The following NAALADL2 variants were observed in gnomAD, a reference collection of about 807,000 sequenced individuals.
The protein encoded by NAALADL2 is N-acetylated alpha-linked acidic dipeptidase like 2, also known as inactive N-acetylated-alpha-linked acidic dipeptidase-like protein 2.
NAALADL2 carries 76 observed loss-of-function variants against 87.2 expected under a neutral mutation model. That is an observed-to-expected ratio of 0.87 (90% CI 0.72 to 1.05). The LOEUF is 1.05. Among genes scored for constraint, NAALADL2 ranks in the 50% least tolerant of loss-of-function variants. The pLI is 0.00. For synonymous variants in NAALADL2, 354 were observed against 331.0 expected (o/e 1.07, Z -0.75); for missense variants, 1,089 against 945.8 (o/e 1.15, Z -1.99).
chr3:175,426,931 GA>G (rs1716878365), intron 5 of NAALADL2, among the ~76,000 whole-genome samples: 1 of 152,132 alleles, frequency 6.6e-6, no homozygotes, highest in Non-Finnish European at 1.5e-5. Flanking sequence ...ACCGGAAACA[GA>G]ATGTGCTGAC....
At chr3:175,710,442 C>A (rs1247436381) in intron 11 of NAALADL2, among the ~76,000 whole-genome samples, 2 of 151,834 alleles carry the variant, frequency 1.3e-5, no homozygotes, top group African/African-American at 2.4e-5. Flanking sequence ...CAATTAATAG[C>A]GGTATTTAAT....
At chr3:175,128,176 G>A (rs1223693692) in intron 2 of NAALADL2, among the ~76,000 whole-genome samples, 1 of 152,056 alleles carries the variant, frequency 6.6e-6, no homozygotes, top group Non-Finnish European at 1.5e-5. Flanking sequence ...AAATACAGGA[G>A]CATCTTGGAT....
At chr3:175,293,226 G>C (rs1159370444) in intron 4 of NAALADL2, among the ~76,000 whole-genome samples, 1 of 151,928 alleles carries the variant, frequency 6.6e-6, no homozygotes, top group Non-Finnish European at 1.5e-5. Flanking sequence ...AGAGCTACAG[G>C]GTAGTTACCA....
rs559611878 is a variant in NAALADL2, at chr3:174,925,264, G to A, written c.43+65814G>A. ...ATTTTTGTATAAGGTGTAAGGAAGG[G>A]ATCCAGTTTCAGCTTTCTACATATG... On this transcript the variant is annotated intron_variant, in intron 1 of 13. Transcript: ENST00000454872. Among the ~76,000 whole-genome samples, 4 of 152,268 alleles carry A rather than the reference G, an allele frequency of 2.6e-5. No individual in the cohort carries two copies. In the East Asian group the frequency reaches 7.7e-4, roughly 29 times the overall value.
At chr3:175,424,306 T>C (rs187856524) in intron 5 of NAALADL2, among the ~76,000 whole-genome samples, 1 of 152,340 alleles carries the variant, frequency 6.6e-6, no homozygotes, top group East Asian at 1.9e-4. Context: ...TCATTGTTTT[T>C]GGTGTTTTAG....
intron 5 of NAALADL2, among the ~76,000 whole-genome samples, chr3:175,339,571 A>G (rs1454386329): frequency 2.6e-5 from 4 of 152,208 alleles, no homozygotes; most frequent in African/African-American, 9.6e-5. Flanking sequence ...TAATGAGGAC[A>G]TACTAGTCCT....
chr3:174,546,863 G>A (rs1049429741), intron 1 of NAALADL2, among the ~76,000 whole-genome samples: 2 of 152,034 alleles, frequency 1.3e-5, no homozygotes, highest in Non-Finnish European at 1.5e-5. Context: ...TCACTATGTT[G>A]TCTAGGTTGG....
chr3:174,804,281 G>T (rs963375263), intron 3 of NAALADL2, among the ~76,000 whole-genome samples: 3 of 152,090 alleles, frequency 2.0e-5, no homozygotes, highest in East Asian at 1.9e-4. Flanking sequence ...GTCTATTGTT[G>T]TATAGGAATG....
intron 9 of NAALADL2, among the ~76,000 whole-genome samples, chr3:175,529,491 G>A (rs1046730097): frequency 1.3e-5 from 2 of 152,118 alleles, no homozygotes; most frequent in Non-Finnish European, 2.9e-5. Context: ...TGTGAATCCT[G>A]GCTGTGGGAG....
chr3:174,711,985 G>C (rs899472940), intron 2 of NAALADL2, among the ~76,000 whole-genome samples: 1 of 151,950 alleles, frequency 6.6e-6, no homozygotes. Context: ...TTTTAGTAGA[G>C]ACGGGGTTTC....
At chr3:174,443,608 C>T (rs73881158) in intron 1 of NAALADL2, among the ~76,000 whole-genome samples, 2,182 of 152,132 alleles carry the variant, frequency 0.014, 48 homozygotes, top group African/African-American at 0.05. Context: ...CATCATATAG[C>T]GGGTTGTAAA....
chr3:175,787,641 C>T (rs1267232885), intron 13 of NAALADL2, among the ~76,000 whole-genome samples: 1 of 152,158 alleles, frequency 6.6e-6, no homozygotes, highest in African/African-American at 2.4e-5. Flanking sequence ...AACCCGGTAC[C>T]TCAGATGGAA....
At chr3:174,828,612 T>C (rs1722265735) in intron 3 of NAALADL2, among the ~76,000 whole-genome samples, 1 of 152,216 alleles carries the variant, frequency 6.6e-6, no homozygotes, top group South Asian at 2.1e-4. Flanking sequence ...AAGTTCACTT[T>C]TCATTTCTTA....
At chr3:175,002,466 C>G (rs977798908) in intron 1 of NAALADL2, among the ~76,000 whole-genome samples, 2 of 152,014 alleles carry the variant, frequency 1.3e-5, no homozygotes, top group African/African-American at 4.8e-5. Flanking sequence ...ATGAAGATCT[C>G]GATCGTGTAT....
chr3:175,145,445 A>G (rs1730607117), intron 2 of NAALADL2, among the ~76,000 whole-genome samples: 2 of 152,124 alleles, frequency 1.3e-5, no homozygotes, highest in Non-Finnish European at 2.9e-5. Flanking sequence ...TTCAGAATTA[A>G]CAGAATTGGT....
chr3:175,770,716 C>G (rs1288849241), intron 13 of NAALADL2, among the ~76,000 whole-genome samples: 2 of 152,156 alleles, frequency 1.3e-5, no homozygotes, highest in African/African-American at 4.8e-5. Context: ...CTTACATATG[C>G]TACACCAGGG....
chr3:175,438,857 ATT>A (rs1196867940), intron 5 of NAALADL2, among the ~76,000 whole-genome samples: 1 of 151,656 alleles, frequency 6.6e-6, no homozygotes, highest in African/African-American at 2.4e-5. Flanking sequence ...TTATGTATTT[ATT>A]TTTATTTTGA....
chr3:175,732,377 A>G (rs955988731), intron 11 of NAALADL2, among the ~76,000 whole-genome samples: 3 of 152,202 alleles, frequency 2.0e-5, no homozygotes, highest in African/African-American at 7.2e-5. Context: ...CTTCTCATGA[A>G]TAGTAAATTA....
intron 2 of NAALADL2, among the ~76,000 whole-genome samples, chr3:175,110,448 T>A (rs545287077): frequency 6.6e-6 from 1 of 151,872 alleles, no homozygotes; most frequent in Admixed American, 6.6e-5. Context: ...CAGCCCTTCG[T>A]ATGTATAGGG....
Sources: allele counts gnomAD v4.1 joint callset (sites outside exome capture counted in the v4.1 genomes callset), GRCh38; gene constraint gnomAD v4.1.1; transcripts MANE v1.5; gene names NCBI Gene and HGNC (gene_info 2026-07-23, HGNC 2026-07-21).